The following FARS2 variants were observed in gnomAD, a reference collection of about 807,000 sequenced individuals.
FARS2 encodes phenylalanyl-tRNA synthetase 2, mitochondrial, also known as phenylalanine--tRNA ligase, mitochondrial.
A neutral mutation model predicts 46.4 loss-of-function variants in FARS2; 40 were observed. The ratio of observed to expected loss-of-function variants is 0.86; its 90% CI spans 0.67 to 1.12. The LOEUF (loss-of-function observed/expected upper bound fraction) is 1.12, where lower values mean the gene tolerates loss of function less well. Ranked by LOEUF, FARS2 falls within the 50% of genes most tolerant of loss-of-function variation. The probability of loss-of-function intolerance (pLI) is 0.00; values close to 1 mark genes in which losing one functional copy is unlikely to be tolerated. For missense variants in FARS2, 513 were observed against 567.9 expected (o/e 0.90, Z 0.98); for synonymous variants, 234 against 214.9 (o/e 1.09, Z -0.78).
At chr6:5,350,794 A>G (rs756796597) in intron 1 of FARS2, among the ~76,000 whole-genome samples, 10 of 152,228 alleles carry the variant, frequency 6.6e-5, no homozygotes, top group Non-Finnish European at 1.3e-4. Context: ...TAAAGAGTCC[A>G]TGGAATTGCT....
intron 4 of FARS2, among the ~76,000 whole-genome samples, chr6:5,458,280 A>G (rs59976090): frequency 0.017 from 2,560 of 152,312 alleles, 80 homozygotes; most frequent in African/African-American, 0.057. Context: ...GGGTTTGTGC[A>G]AGAGCTGGCT....
chr6:5,533,295 C>T (rs2150463123), intron 4 of FARS2, among the ~76,000 whole-genome samples: 1 of 152,274 alleles, frequency 6.6e-6, no homozygotes, highest in South Asian at 2.1e-4. Context: ...CCCCCAATAT[C>T]ACTACTGTTA....
At chr6:5,327,985 C>T (rs182596711) in intron 1 of FARS2, among the ~76,000 whole-genome samples, 102 of 152,260 alleles carry the variant, frequency 6.7e-4, no homozygotes, top group Non-Finnish European at 1.3e-3. Context: ...TTTCAATACC[C>T]TTTGGGGAAA....
At chr6:5,314,903 C>G (rs1769338538) in intron 1 of FARS2, among the ~76,000 whole-genome samples, 1 of 122,118 alleles carries the variant, frequency 8.2e-6, no homozygotes, top group South Asian at 2.3e-4. Context: ...TTTTATGTAG[C>G]AATCGATGTT....
intron 4 of FARS2, among the ~76,000 whole-genome samples, chr6:5,518,185 T>G (rs898894898): frequency 1.3e-5 from 2 of 151,862 alleles, no homozygotes; most frequent in African/African-American, 4.8e-5. Flanking sequence ...AGGGAGAAAA[T>G]ATGAGGGGTT....
At chr6:5,739,324 C>G (rs1457067722) in intron 6 of FARS2, among the ~76,000 whole-genome samples, 1 of 108,160 alleles carries the variant, frequency 9.2e-6, no homozygotes, top group Non-Finnish European at 1.8e-5. Flanking sequence ...AGTGAGACCC[C>G]CGTCTCTAAA....
chr6:5,291,741 G>C (rs1358007260), intron 1 of FARS2, among the ~76,000 whole-genome samples: 1 of 150,668 alleles, frequency 6.6e-6, no homozygotes, highest in Non-Finnish European at 1.5e-5. Flanking sequence ...ATGGACAACA[G>C]CAAGACCCAT....
At chr6:5,721,553 C>T (rs1759911134) in intron 6 of FARS2, among the ~76,000 whole-genome samples, 1 of 152,142 alleles carries the variant, frequency 6.6e-6, no homozygotes. Context: ...AATCGTGCAT[C>T]ATTCAATTAG....
intron 1 of FARS2, among the ~76,000 whole-genome samples, chr6:5,316,328 A>G (rs773150115): frequency 3.9e-5 from 6 of 152,244 alleles, no homozygotes; most frequent in Non-Finnish European, 8.8e-5. Flanking sequence ...AGTTGTGAAC[A>G]TTGTAAATGT....
At chr6:5,532,851 T>A (rs1769948644) in intron 4 of FARS2, among the ~76,000 whole-genome samples, 1 of 152,096 alleles carries the variant, frequency 6.6e-6, no homozygotes, top group South Asian at 2.1e-4. Flanking sequence ...CTTGTAGCAG[T>A]TGTTTTGGAA....
intron 4 of FARS2, among the ~76,000 whole-genome samples, chr6:5,518,527 A>C (rs1408353154): frequency 1.3e-5 from 2 of 152,154 alleles, no homozygotes; most frequent in Admixed American, 1.3e-4. Context: ...ATAGAGTGAG[A>C]AGTATAGGAA....
At chr6:5,458,583 C>G (rs1323820570) in intron 4 of FARS2, among the ~76,000 whole-genome samples, 1 of 152,070 alleles carries the variant, frequency 6.6e-6, no homozygotes, top group Non-Finnish European at 1.5e-5. Flanking sequence ...GCCCATCAGC[C>G]CTGAGCAGTT....
chr6:5,494,603 C>T (rs1767337096), intron 4 of FARS2, among the ~76,000 whole-genome samples: 1 of 152,188 alleles, frequency 6.6e-6, no homozygotes, highest in African/African-American at 2.4e-5. Flanking sequence ...TAGGTTCATG[C>T]CCACTAATTC....
At chr6:5,469,446 A>C (rs112321174) in intron 4 of FARS2, among the ~76,000 whole-genome samples, 3 of 152,216 alleles carry the variant, frequency 2.0e-5, no homozygotes, top group African/African-American at 7.2e-5. Flanking sequence ...TTCTCTCTAA[A>C]CAGCTGCAGA....
chr6:5,752,591 G>C (rs753100), intron 6 of FARS2, among the ~76,000 whole-genome samples: 20,639 of 152,180 alleles, frequency 0.14, 1,514 homozygotes, highest in African/African-American at 0.19. Flanking sequence ...TGCCAGAGTG[G>C]AACAGAACAG....
At chr6:5,353,940 C>CTTTTT (rs200790865) in intron 1 of FARS2, among the ~76,000 whole-genome samples, 2 of 136,812 alleles carry the variant, frequency 1.5e-5, no homozygotes, top group Non-Finnish European at 3.1e-5. Context: ...CTGTTTGCTG[C>CTTTTT]TTTTTTTTTT....
intron 1 of FARS2, among the ~76,000 whole-genome samples, chr6:5,361,258 T>G (rs958655896): frequency 6.6e-6 from 1 of 152,240 alleles, no homozygotes; most frequent in Non-Finnish European, 1.5e-5. Context: ...ATTTAATGAC[T>G]GCATAATATT....
At chr6:5,334,564 GTA>G (rs746706634) in intron 1 of FARS2, among the ~76,000 whole-genome samples, 1 of 152,280 alleles carries the variant, frequency 6.6e-6, no homozygotes, top group Non-Finnish European at 1.5e-5. Context: ...ATGCACTACT[GTA>G]CTGCTGTGGA....
chr6:5,449,414 G>T (rs1054552934), intron 4 of FARS2, among the ~76,000 whole-genome samples: 4 of 150,524 alleles, frequency 2.7e-5, no homozygotes, highest in Non-Finnish European at 5.9e-5. Flanking sequence ...TTTTATATAT[G>T]TGTATATATG....
Sources: gnomAD v4.1 joint callset for allele counts (sites outside exome capture counted in the v4.1 genomes callset) on GRCh38, gnomAD v4.1.1 for gene constraint, MANE v1.5 for transcripts, NCBI Gene and HGNC (gene_info 2026-07-23, HGNC 2026-07-21) for gene names.